The following MINK1 variants were observed in gnomAD, a reference collection of about 807,000 sequenced individuals.
MINK1 encodes misshapen-like kinase 1.
In MINK1, 46 loss-of-function variants were observed where a neutral mutation model predicts 178.4. That is an observed-to-expected ratio of 0.26 (90% CI 0.20 to 0.33). The LOEUF (loss-of-function observed/expected upper bound fraction) is 0.33. Among genes scored for constraint, MINK1 ranks in the 10% least tolerant of loss-of-function variants. MINK1 has a pLI of 1.00. For missense variants in MINK1, 1,366 were observed against 1,814.9 expected (o/e 0.75, Z 4.49); for synonymous variants, 797 against 709.7 (o/e 1.12, Z -1.96).
In MINK1 at chr17:4,897,472, CAACATGTCCTCTTCCCA is replaced by C. The variant is rs1969673045; in HGVS notation, c.*188_*204del. 1 of 582,358 alleles carries C rather than the reference CAACATGTCCTCTTCCCA, an allele frequency of 1.7e-6. No homozygotes were observed. The highest frequency in any genetic ancestry group is 2.1e-5 in the South Asian group (1 of 47,214). The allele number at this position is 582,358 out of a possible 1,614,324, so 36.1% of individuals were successfully genotyped here. On this transcript the variant is annotated 3_prime_UTR_variant, in exon 32 of 32. Coordinates refer to ENST00000355280, the MANE Select transcript of MINK1 (RefSeq NM_153827.5). The stretch of plus-strand genomic sequence containing the variant: ...GTGATCACGTGACCATCCTCTTCCC[CAACATGTCCTCTTCCCA>C]AAACTGTGCCTGTCCCCAGCTTCTG...
intron 13 of MINK1, 41 bp downstream of exon 13, chr17:4,889,804 G>T: frequency 9.4e-7 from 1 of 1,066,264 alleles, no homozygotes; most frequent in Non-Finnish European, 1.2e-6. Context: ...CCGCCCTCCC[G>T]CTCCTGCTGC....
chr17:4,867,169 C>G (rs1322246898), intron 1 of MINK1, among the ~76,000 whole-genome samples: 1 of 96,386 alleles, frequency 1.0e-5, no homozygotes, highest in Non-Finnish European at 1.8e-5. Context: ...TTTTTTTAAG[C>G]CAGGGTCTTG....
Position 4,893,455 on chromosome 17 carries a change from C to T in MINK1, c.2422C>T (p.Arg808Trp), listed in dbSNP as rs756866863. The change falls in exon 21 of 32, where the codon CGG (arginine) becomes TGG (tryptophan). Residue 808 changes from arginine (R) to tryptophan (W), a missense_variant. By Grantham distance (101) the Arg-to-Trp change is moderately radical. Transcript: ENST00000355280. ...GCAGGACTTTGTGTTGCTGAAAGAG[C>T]GGACTCTGGACGAGGCCCCTCGGCC... ...RPADFVLLKERTLDEAPRPPK... is the reference protein window; with the variant it reads ...RPADFVLLKEWTLDEAPRPPK... 25 of 1,593,096 alleles carry T rather than the reference C, an allele frequency of 1.6e-5. No homozygotes were observed. The highest frequency in any genetic ancestry group is 1.7e-4 in the Middle Eastern group (1 of 6,022).
At chr17:4,859,755 T>G (rs1273180919) in intron 1 of MINK1, among the ~76,000 whole-genome samples, 1 of 113,836 alleles carries the variant, frequency 8.8e-6, no homozygotes, top group Non-Finnish European at 1.6e-5. Flanking sequence ...GCCATTGCAC[T>G]CCAGCCTGGG....
chr17:4,878,286 GAC>G, intron 1 of MINK1, 29 bp from the exon 2 acceptor site: 3 of 1,531,654 alleles, frequency 2.0e-6, no homozygotes, highest in Non-Finnish European at 2.6e-6. Context: ...CTAAAGTCTT[GAC>G]ACAGTATTCT....
chr17:4,858,843 C>T (rs1305072164), intron 1 of MINK1, among the ~76,000 whole-genome samples: 2 of 152,220 alleles, frequency 1.3e-5, no homozygotes, highest in East Asian at 3.8e-4. Context: ...TTAGTAACAG[C>T]AGGAAGCCTG....
At position 4,833,713 on chromosome 17, in the gene MINK1, G is replaced by A. The variant is rs1239700160; in HGVS notation, c.57+73G>A. The A allele has an allele frequency of 2.1e-5, 26 of 1,260,170 alleles. No individual in the cohort carries two copies. In the East Asian group the frequency reaches 7.2e-4, roughly 35 times the overall value. 78.1% of individuals were successfully genotyped at this position (1,260,170 alleles called of 1,614,324 possible). On this transcript the variant is annotated intron_variant, in intron 1 of 31. Coordinates refer to ENST00000355280, the MANE Select transcript of MINK1 (RefSeq NM_153827.5). This position sits in a 1 kb window ranked among gnomAD's most constrained non-coding sequence, Gnocchi z 4.8. ...AGGGGAGGGAGCGGGGTGGCTGCAC[G>A]CCTCACGTGCTCCCGGGCGCCCCCT...
intron 1 of MINK1, chr17:4,868,772 G>T: frequency 3.5e-6 from 1 of 286,364 alleles, no homozygotes; most frequent in East Asian, 1.6e-4. Context: ...TTGAGACAGG[G>T]TCTCACTCTG....
Position 4,890,517 on chromosome 17 carries a change from G to T in MINK1, c.1348G>T (p.Glu450Ter). The change falls in exon 14 of 32, where the codon GAA becomes TAA. Residue 450 changes from glutamate to a stop codon, truncating the protein, a stop_gained and splice_region_variant. Coordinates refer to ENST00000355280, the MANE Select transcript of MINK1 (RefSeq NM_153827.5). LOFTEE classifies it high-confidence loss of function. ...CCTCTCTCCCTACCCTTGGGCCCAGGAATACAAGCGGAAGCAGCTGGAGGA... is the reference window on the plus strand; with the variant it reads ...CCTCTCTCCCTACCCTTGGGCCCAGTAATACAAGCGGAAGCAGCTGGAGGA... ...EERRQAEREQ[E>*]YKRKQLEEQR... 6.3e-7 allele frequency: 1 copy of T among 1,586,672 alleles called. No individual in the cohort carries two copies. The highest frequency in any genetic ancestry group is 1.2e-5 in the South Asian group (1 of 86,614).
Position 4,895,012 on chromosome 17 carries a change from A to C in MINK1, c.2918-63A>C, listed in dbSNP as rs760850271. The C allele has an allele frequency of 1.9e-6, 3 of 1,552,570 alleles. No homozygotes were observed. Among genetic ancestry groups the C allele is most frequent in the East Asian group, 2.3e-5 (1 of 44,152 alleles). ...TGCCAAGACCTGATATAGGGGATGG[A>C]GGTAAAAAGAGATGGGGTGAGAAGC... is the stretch of plus-strand genomic sequence containing the variant. On this transcript the variant is annotated intron_variant, in intron 24 of 31. Transcript: ENST00000355280. The surrounding 1 kb of genome is among the most constrained non-coding windows in gnomAD (Gnocchi z 4.3).
intron 1 of MINK1, among the ~76,000 whole-genome samples, chr17:4,863,533 G>A (rs1914499021): frequency 6.6e-6 from 1 of 152,062 alleles, no homozygotes; most frequent in Non-Finnish European, 1.5e-5. Context: ...GGAAAACCCG[G>A]TCCTTTAGGC....
chr17:4,881,095 G>C, intron 3 of MINK1, 37 bp from the exon 4 acceptor site: 1 of 1,536,766 alleles, frequency 6.5e-7, no homozygotes, highest in Non-Finnish European at 8.7e-7. Context: ...GGGAGTGTTG[G>C]GGGAGTCTCA....
chr17:4,893,760 G>A, intron 21 of MINK1, 163 bp downstream of exon 21: 1 of 1,138,002 alleles, frequency 8.8e-7, no homozygotes, highest in South Asian at 1.7e-5. Context: ...CCGCTGCCCT[G>A]TGTGTTGTGG....
rs1012502180 is a variant in MINK1, at chr17:4,833,948, C to CT, written c.57+309dup. The stretch of plus-strand genomic sequence containing the variant: ...ACCCACTGGTTCGCCTAAACTTAGC[C>CT]TCCCCCATCACCTGGAGAACCTTTA... On this transcript the variant is annotated intron_variant, in intron 1 of 31. Coordinates refer to ENST00000355280, the MANE Select transcript of MINK1 (RefSeq NM_153827.5). The surrounding 1 kb of genome is among the most constrained non-coding windows in gnomAD (Gnocchi z 4.8). Among the ~76,000 whole-genome samples the CT allele has an allele frequency of 6.6e-6, 1 of 152,200 alleles. No homozygotes were observed. Among genetic ancestry groups the CT allele is most frequent in the Admixed American group, 6.5e-5 (1 of 15,278 alleles).
intron 12 of MINK1, among the ~76,000 whole-genome samples, chr17:4,888,099 C>T (rs887235382): frequency 6.6e-6 from 1 of 151,236 alleles, no homozygotes; most frequent in Admixed American, 6.6e-5. Context: ...GCCTGTAATC[C>T]CAGCTACTCC....
At chr17:4,861,364 G>T (rs933339769) in intron 1 of MINK1, among the ~76,000 whole-genome samples, 21 of 152,242 alleles carry the variant, frequency 1.4e-4, no homozygotes, top group African/African-American at 4.1e-4. Context: ...CGTAAACAAC[G>T]CAGGGCACAG....
At position 4,895,975 on chromosome 17, in the gene MINK1, C is replaced by T. The variant is rs1969416644; in HGVS notation, c.3365-28C>T. ...GCCCGTGGCGCAAGAAGGGAAGTCTCAGCATCCCTCTTCTCTCCCGCCCCC... is the reference window on the plus strand; with the variant it reads ...GCCCGTGGCGCAAGAAGGGAAGTCTTAGCATCCCTCTTCTCTCCCGCCCCC... On this transcript the variant is annotated intron_variant, in intron 27 of 31. Transcript: ENST00000355280. The surrounding 1 kb of genome is among the most constrained non-coding windows in gnomAD (Gnocchi z 4.3). The T allele has an allele frequency of 4.4e-6, 7 of 1,575,346 alleles. No homozygotes were observed. The highest frequency in any genetic ancestry group is 1.7e-4 in the Middle Eastern group (1 of 6,006).
At chr17:4,847,163 G>T in intron 1 of MINK1, 1 of 481,860 alleles carries the variant, frequency 2.1e-6, no homozygotes, top group Non-Finnish European at 4.2e-6. Context: ...TTGCCTTTGA[G>T]GCAATGTGAT....
intron 15 of MINK1, 27 bp downstream of exon 15, chr17:4,891,151 A>G (rs1224759014): frequency 1.3e-6 from 2 of 1,482,502 alleles, no homozygotes; most frequent in South Asian, 2.7e-5. Flanking sequence ...CCCTGTCTTA[A>G]TGAAGACACA....
Sources: gnomAD v4.1 joint callset for allele counts (sites outside exome capture counted in the v4.1 genomes callset) on GRCh38, gnomAD v4.1.1 for gene constraint, Gnocchi (gnomAD v3.1) non-coding constraint, MANE v1.5 for transcripts, NCBI Gene and HGNC (gene_info 2026-07-23, HGNC 2026-07-21) for gene names.